The following FHOD3 variants were observed in gnomAD, a reference collection of about 807,000 sequenced individuals.
The protein encoded by FHOD3 is FH1/FH2 domain-containing protein 3.
A neutral mutation model predicts 173.0 loss-of-function variants in FHOD3; 90 were observed. The observed-to-expected ratio is 0.52, with a 90% CI of 0.44 to 0.62. FHOD3 has a LOEUF of 0.62. FHOD3 is among the 20% of genes least tolerant of loss of function. FHOD3 has a pLI of 0.00. For missense variants in FHOD3, 1,945 were observed against 2,034.7 expected (o/e 0.96, Z 0.85); for synonymous variants, 828 against 823.0 (o/e 1.01, Z -0.10).
chr18:36,439,888 A>G (rs1413130854), intron 3 of FHOD3, among the ~76,000 whole-genome samples: 3 of 152,088 alleles, frequency 2.0e-5, no homozygotes, highest in Non-Finnish European at 4.4e-5. Context: ...TGGTCCCTCA[A>G]TGGATTAGAT....
At chr18:36,410,985 C>A (rs1267827625) in intron 3 of FHOD3, among the ~76,000 whole-genome samples, 2 of 152,052 alleles carry the variant, frequency 1.3e-5, no homozygotes, top group African/African-American at 4.8e-5. Flanking sequence ...TGATGATGTT[C>A]TTTTAAACAG....
At chr18:36,732,873 C>T (rs190976381) in intron 20 of FHOD3, among the ~76,000 whole-genome samples, 240 of 152,290 alleles carry the variant, frequency 1.6e-3, no homozygotes, top group African/African-American at 5.5e-3. Flanking sequence ...AACCCAGTGA[C>T]GGATGAGAGA....
rs138820845 is a variant in FHOD3, at chr18:36,349,097, G to A, written c.166-6442G>A. Among the ~76,000 whole-genome samples the A allele has an allele frequency of 4.4e-3, 677 of 152,302 alleles. 5 individuals are homozygous for A. The highest frequency in any genetic ancestry group is 0.016 in the African/African-American group (653 of 41,548). On this transcript the variant is annotated intron_variant, in intron 1 of 28. Transcript: ENST00000590592. ...CAGTTTCTCCTGGGCTGTCTCATGTGTCTATCATGTGGGTCATCTGGAGGC... is the reference window on the plus strand; with the variant it reads ...CAGTTTCTCCTGGGCTGTCTCATGTATCTATCATGTGGGTCATCTGGAGGC...
At chr18:36,388,244 C>T (rs1409067760) in intron 3 of FHOD3, among the ~76,000 whole-genome samples, 4 of 152,108 alleles carry the variant, frequency 2.6e-5, no homozygotes, top group Non-Finnish European at 5.9e-5. Flanking sequence ...TTAAATTGAA[C>T]CAGACACAGG....
At chr18:36,511,709 A>G (rs751045037) in intron 4 of FHOD3, among the ~76,000 whole-genome samples, 4 of 152,156 alleles carry the variant, frequency 2.6e-5, no homozygotes, top group Non-Finnish European at 4.4e-5. Flanking sequence ...TTCCTAGGCA[A>G]TGCCCTTGCT....
At chr18:36,369,291 C>T (rs1411292803) in intron 2 of FHOD3, among the ~76,000 whole-genome samples, 1 of 152,010 alleles carries the variant, frequency 6.6e-6, no homozygotes, top group African/African-American at 2.4e-5. Context: ...TCAGTGGTAG[C>T]AGGGAAATGG....
intron 4 of FHOD3, among the ~76,000 whole-genome samples, chr18:36,507,634 T>G (rs1321678717): frequency 6.6e-6 from 1 of 152,220 alleles, no homozygotes; most frequent in Non-Finnish European, 1.5e-5. Context: ...TGAATTGTCT[T>G]CTAGAAGATG....
intron 3 of FHOD3, among the ~76,000 whole-genome samples, chr18:36,471,039 T>C (rs1452770417): frequency 1.3e-5 from 2 of 152,118 alleles, no homozygotes. Flanking sequence ...CCACAATTAC[T>C]CCCACATGGC....
intron 1 of FHOD3, among the ~76,000 whole-genome samples, chr18:36,316,678 CCTGCTGTT>C (rs1208167879): frequency 1.3e-5 from 2 of 152,272 alleles, no homozygotes; most frequent in Admixed American, 1.3e-4. Flanking sequence ...CACCCCAGCG[CCTGCTGTT>C]CTGCAGCTCT....
At chr18:36,538,201 C>A (rs1158358044) in intron 5 of FHOD3, among the ~76,000 whole-genome samples, 5 of 152,082 alleles carry the variant, frequency 3.3e-5, no homozygotes, top group Non-Finnish European at 7.4e-5. Flanking sequence ...GCTGAGGTGA[C>A]ATTTTATAGA....
At chr18:36,510,253 A>G (rs2146277287) in intron 4 of FHOD3, among the ~76,000 whole-genome samples, 1 of 152,358 alleles carries the variant, frequency 6.6e-6, no homozygotes, top group Admixed American at 6.5e-5. Context: ...TATCAGTGTT[A>G]ACATTTTGAT....
chr18:36,458,370 G>A (rs888769342), intron 3 of FHOD3, among the ~76,000 whole-genome samples: 3 of 152,164 alleles, frequency 2.0e-5, no homozygotes, highest in African/African-American at 7.2e-5. Context: ...AGGAGTAACA[G>A]AAAAGAGATC....
rs188609097 is a variant in FHOD3 at position 36,602,916 on chromosome 18, G to A, written c.813+148G>A. Reference sequence around the variant, plus strand: ...GTGAGGGTGGGCTCTGATGCAGCATGACTGTGTTCTTATAAGAGGAAAAGA... The same window carrying A: ...GTGAGGGTGGGCTCTGATGCAGCATAACTGTGTTCTTATAAGAGGAAAAGA... On this transcript the variant is annotated intron_variant, in intron 8 of 28. Coordinates refer to ENST00000590592, the MANE Select transcript of FHOD3 (RefSeq NM_001281740.3). The A allele has an allele frequency of 3.7e-4, 239 of 645,800 alleles. No individual in the cohort carries two copies. The African/African-American group carries it at 4.0e-3, about 11-fold the overall frequency. 40.0% of individuals were successfully genotyped at this position (645,800 alleles called of 1,614,324 possible).
intron 6 of FHOD3, among the ~76,000 whole-genome samples, chr18:36,584,865 A>G (rs182163282): frequency 2.6e-5 from 4 of 152,306 alleles, no homozygotes; most frequent in Admixed American, 2.0e-4. Context: ...TTTTGTGATT[A>G]CAAAAATAAC....
At position 36,379,337 on chromosome 18, in the gene FHOD3, C is replaced by A. The variant is rs143046411; in HGVS notation, c.337+6593C>A. Among the ~76,000 whole-genome samples the A allele has an allele frequency of 2.1e-3, 320 of 152,218 alleles. 1 individual carries two copies. The highest frequency in any genetic ancestry group is 7.3e-3 in the African/African-American group (302 of 41,510). Reference sequence around the variant, plus strand: ...AAAGCAGATATCTCAGGGTCTCTTACGACAGCTTCATTTCATATTTGTATT... The same window carrying A: ...AAAGCAGATATCTCAGGGTCTCTTAAGACAGCTTCATTTCATATTTGTATT... On this transcript the variant is annotated intron_variant, in intron 3 of 28. Coordinates refer to ENST00000590592, the MANE Select transcript of FHOD3 (RefSeq NM_001281740.3).
chr18:36,422,694 G>A (rs2050048016), intron 3 of FHOD3, among the ~76,000 whole-genome samples: 1 of 152,206 alleles, frequency 6.6e-6, no homozygotes, highest in South Asian at 2.1e-4. Flanking sequence ...TGCCCCAGCA[G>A]TAGCCCTGGC....
At chr18:36,760,405 G>A (rs1293884208) in intron 26 of FHOD3, among the ~76,000 whole-genome samples, 6 of 152,178 alleles carry the variant, frequency 3.9e-5, no homozygotes, top group East Asian at 1.9e-4. Context: ...TTCTGGGGCC[G>A]GGGGCTTTTC....
intron 2 of FHOD3, among the ~76,000 whole-genome samples, chr18:36,359,212 G>A (rs2046497268): frequency 6.6e-6 from 1 of 152,174 alleles, no homozygotes; most frequent in African/African-American, 2.4e-5. Flanking sequence ...AAATTGTGAT[G>A]TTTTTCATAC....
chr18:36,633,734 G>A (rs2034679051), intron 10 of FHOD3, among the ~76,000 whole-genome samples: 2 of 152,170 alleles, frequency 1.3e-5, no homozygotes, highest in Admixed American at 1.3e-4. Flanking sequence ...TATATCTTTT[G>A]AGGATGAATT....
Sources: gnomAD v4.1 joint callset for allele counts (sites outside exome capture counted in the v4.1 genomes callset) on GRCh38, gnomAD v4.1.1 for gene constraint, MANE v1.5 for transcripts, NCBI Gene and HGNC (gene_info 2026-07-23, HGNC 2026-07-21) for gene names.